The following KCNT1 variants were observed in gnomAD, a reference collection of about 807,000 sequenced individuals.
The protein encoded by KCNT1 is potassium sodium-activated channel subfamily T member 1.
A neutral mutation model predicts 147.8 loss-of-function variants in KCNT1; 78 were observed. The observed-to-expected ratio is 0.53, with a 90% CI of 0.44 to 0.64. KCNT1 has a LOEUF of 0.64. KCNT1 is among the 30% of genes least tolerant of loss of function. KCNT1 has a pLI of 0.00. For synonymous variants in KCNT1, 867 were observed against 748.8 expected (o/e 1.16, Z -2.58); for missense variants, 1,419 against 1,750.3 (o/e 0.81, Z 3.38).
At chr9:135,745,118 T>C (rs552149743) in intron 2 of KCNT1, among the ~76,000 whole-genome samples, 2 of 152,332 alleles carry the variant, frequency 1.3e-5, no homozygotes, top group South Asian at 2.1e-4. Flanking sequence ...GATGCCGCCA[T>C]GAGCGCTCAC....
intron 1 of KCNT1, among the ~76,000 whole-genome samples, chr9:135,704,766 C>T (rs1262719205): frequency 6.6e-6 from 1 of 152,238 alleles, no homozygotes; most frequent in Non-Finnish European, 1.5e-5. Flanking sequence ...GCCCAAGGTC[C>T]TGGCCAGCCC....
chr9:135,734,128 G>C (rs887497151), intron 2 of KCNT1, among the ~76,000 whole-genome samples: 1 of 152,208 alleles, frequency 6.6e-6, no homozygotes, highest in Non-Finnish European at 1.5e-5. Context: ...CAGCGTCTGT[G>C]TGCTCTCTAA....
intron 1 of KCNT1, among the ~76,000 whole-genome samples, chr9:135,704,832 A>G (rs1835181527): frequency 6.6e-6 from 1 of 152,216 alleles, no homozygotes. Flanking sequence ...CTCAGGGCTC[A>G]TGGGAAAGGT....
intron 1 of KCNT1, among the ~76,000 whole-genome samples, chr9:135,703,583 G>A (rs1034094987): frequency 2.0e-5 from 3 of 152,192 alleles, no homozygotes; most frequent in Admixed American, 6.5e-5. Context: ...CAGCCTGGAC[G>A]TGCTCTGAGG....
At chr9:135,780,421 C>T (rs1833525027) in intron 24 of KCNT1, among the ~76,000 whole-genome samples, 1 of 152,214 alleles carries the variant, frequency 6.6e-6, no homozygotes, top group Admixed American at 6.5e-5. Context: ...CACGGGCACT[C>T]CCTGCGACAC....
At chr9:135,748,344 G>A (rs553509153) in intron 2 of KCNT1, among the ~76,000 whole-genome samples, 38 of 136,140 alleles carry the variant, frequency 2.8e-4, no homozygotes, top group South Asian at 1.3e-3. Context: ...GCCCCACCAC[G>A]AAGGCTGCTG....
intron 21 of KCNT1, among the ~76,000 whole-genome samples, chr9:135,777,999 T>TCCCTGCTCTCAGCTCCG (rs375587615): frequency 9.2e-5 from 14 of 151,684 alleles, no homozygotes; most frequent in Non-Finnish European, 1.6e-4. Flanking sequence ...TCTCAGCTCC[T>TCCCTGCTCTCAGCTCCG]GTGGCTCCCA....
In KCNT1 at chr9:135,791,831, C is replaced by T. The variant is rs149927148; in HGVS notation, c.3537C>T (p.Tyr1179=). 9.2e-5 allele frequency: 149 copies of T among 1,613,814 alleles called. No homozygotes were observed. The Middle Eastern group carries it at 9.9e-4, about 11-fold the overall frequency. ...EMNDHQNTLS[Y]VLINPPPDTR... is the part of the protein sequence containing the mutation. The stretch of plus-strand genomic sequence containing the variant: ...ACGACCACCAGAACACCCTCTCCTA[C>T]GTCCTCATCAACCCTCCGCCCGACA... The change falls in exon 30 of 31, where the codon TAC becomes TAT. Residue 1179 remains tyrosine, a synonymous_variant. Coordinates refer to ENST00000371757, the MANE Select transcript of KCNT1 (RefSeq NM_020822.3).
chr9:135,757,109 A>T, intron 7 of KCNT1, 47 bp from the exon 8 acceptor site: 1 of 309,326 alleles, frequency 3.2e-6, no homozygotes, highest in Non-Finnish European at 5.7e-6. Context: ...GCTGGGCCCC[A>T]CCCCCACCCT....
chr9:135,702,233 G>C lies in KCNT1; in HGVS notation c.-26G>C, dbSNP rs765369452. ...GGCGGCTCCCACTCGCTTCTCCCTC[G>C]GGTCGGGTCCGAGCTGCCAGGCCGC... On this transcript the variant is annotated 5_prime_UTR_variant, in exon 1 of 31. Transcript: ENST00000371757. 1.9e-6 allele frequency: 3 copies of C among 1,558,130 alleles called. No homozygotes were observed. Among genetic ancestry groups the C allele is most frequent in the Non-Finnish European group, 2.6e-6 (3 of 1,136,222 alleles).
intron 19 of KCNT1, among the ~76,000 whole-genome samples, chr9:135,773,660 G>A (rs1012715984): frequency 1.2e-4 from 18 of 152,392 alleles, no homozygotes; most frequent in Admixed American, 1.3e-4. Flanking sequence ...CCAGCTGCAG[G>A]GCCCGAGGTC....
intron 20 of KCNT1, among the ~76,000 whole-genome samples, chr9:135,776,762 G>A (rs895339530): frequency 1.1e-4 from 17 of 152,166 alleles, no homozygotes; most frequent in African/African-American, 2.7e-4. Context: ...TCTGATGCTC[G>A]GACCCCCTCA....
At chr9:135,710,735 G>A (rs1471557763) in intron 1 of KCNT1, among the ~76,000 whole-genome samples, 1 of 152,222 alleles carries the variant, frequency 6.6e-6, no homozygotes, top group African/African-American at 2.4e-5. Context: ...TGCTGTGGCT[G>A]TTCTTGCACG....
intron 2 of KCNT1, among the ~76,000 whole-genome samples, chr9:135,735,141 T>C (rs892488349): frequency 6.6e-6 from 1 of 152,140 alleles, no homozygotes; most frequent in Non-Finnish European, 1.5e-5. Flanking sequence ...CGCTCTCCCC[T>C]GGGGTAGACC....
At position 135,752,777 on chromosome 9, in the gene KCNT1, G is replaced by GAAT. The variant is rs2131418322; in HGVS notation, c.435-1160_435-1159insAAT. Among the ~76,000 whole-genome samples the GAAT allele has an allele frequency of 6.6e-6, 1 of 151,396 alleles. No individual in the cohort carries two copies. Among genetic ancestry groups the GAAT allele is most frequent in the African/African-American group, 2.4e-5 (1 of 41,266 alleles). ...TGGATGGAGGGATGAGTGGATGGGT[G>GAAT]GATGATGGATGGATGGATGGATGGA... is the stretch of plus-strand genomic sequence containing the variant. On this transcript the variant is annotated intron_variant, in intron 4 of 30. Transcript: ENST00000371757. This position sits in a 1 kb window ranked among gnomAD's most constrained non-coding sequence, Gnocchi z 5.1.
chr9:135,752,736 GGATGGATGGAATA>G lies in KCNT1; in HGVS notation c.435-1190_435-1178del. ...GTGGATGCATGGTGGGTAGATGGAT[GGATGGATGGAATA>G]GATGGATGGAGGGATGAGTGGATGG... On this transcript the variant is annotated intron_variant, in intron 4 of 30. Coordinates refer to ENST00000371757, the MANE Select transcript of KCNT1 (RefSeq NM_020822.3). This position sits in a 1 kb window ranked among gnomAD's most constrained non-coding sequence, Gnocchi z 5.1. Among the ~76,000 whole-genome samples, 1 of 151,570 alleles carries G rather than the reference GGATGGATGGAATA, an allele frequency of 6.6e-6. No individual in the cohort carries two copies. Among genetic ancestry groups the G allele is most frequent in the East Asian group, 2.0e-4 (1 of 5,120 alleles).
intron 2 of KCNT1, among the ~76,000 whole-genome samples, chr9:135,744,038 C>A (rs989778679): frequency 6.6e-6 from 1 of 152,226 alleles, no homozygotes; most frequent in East Asian, 1.9e-4. Flanking sequence ...TCCCAGGCAC[C>A]TGCCTAAGAG....
intron 24 of KCNT1, among the ~76,000 whole-genome samples, chr9:135,783,511 C>T (rs954091337): frequency 2.0e-5 from 3 of 152,318 alleles, no homozygotes; most frequent in East Asian, 1.9e-4. Context: ...GCTAAGTTTG[C>T]GGTCATTTGT....
At chr9:135,781,654 A>T (rs966748346) in intron 24 of KCNT1, among the ~76,000 whole-genome samples, 1 of 151,842 alleles carries the variant, frequency 6.6e-6, no homozygotes, top group African/African-American at 2.4e-5. Context: ...AAAAAAAAAA[A>T]TTGAAGAAAA....
Sources: allele counts gnomAD v4.1 joint callset (sites outside exome capture counted in the v4.1 genomes callset), GRCh38; gene constraint gnomAD v4.1.1; non-coding constraint Gnocchi (gnomAD v3.1); transcripts MANE v1.5; gene names NCBI Gene and HGNC (gene_info 2026-07-23, HGNC 2026-07-21).